Variants in SIRPA observed in about 807,000 individuals in gnomAD.
SIRPA encodes tyrosine-protein phosphatase non-receptor type substrate 1.
In SIRPA, 9 loss-of-function variants were observed where a neutral mutation model predicts 50.3. The ratio of observed to expected loss-of-function variants is 0.18; its 90% CI spans 0.11 to 0.31. SIRPA has a LOEUF of 0.31. Among genes scored for constraint, SIRPA ranks in the 10% least tolerant of loss-of-function variants. The pLI, the probability that SIRPA is intolerant of heterozygous loss-of-function variation, is 1.00. For synonymous variants in SIRPA, 265 were observed against 284.1 expected, an observed-to-expected ratio of 0.93 and a Z score of 0.68; for missense variants, 474 against 661.6, an observed-to-expected ratio of 0.72 and a Z score of 3.11.
intron 6 of SIRPA, among the ~76,000 whole-genome samples, chr20:1,929,332 G>A (rs1202995765): frequency 6.6e-6 from 1 of 152,108 alleles, no homozygotes; most frequent in Non-Finnish European, 1.5e-5. Context: ...GGTGGGATGG[G>A]CTGAGAAGTG....
At chr20:1,897,961 G>A (rs1303564758) in intron 1 of SIRPA, among the ~76,000 whole-genome samples, 3 of 152,220 alleles carry the variant, frequency 2.0e-5, no homozygotes, top group Non-Finnish European at 4.4e-5. Flanking sequence ...CTGAGGCCTG[G>A]GGACACCTGG....
At chr20:1,895,785 C>T (rs536740410) in intron 1 of SIRPA, among the ~76,000 whole-genome samples, 9 of 152,218 alleles carry the variant, frequency 5.9e-5, no homozygotes, top group Non-Finnish European at 8.8e-5. Flanking sequence ...GTGCTGGGCA[C>T]TGAGACAAAA....
intron 1 of SIRPA, among the ~76,000 whole-genome samples, chr20:1,905,490 C>T (rs2123020458): frequency 6.6e-6 from 1 of 152,338 alleles, no homozygotes; most frequent in Non-Finnish European, 1.5e-5. Context: ...GTTATCTGGC[C>T]TAACCCATGC....
At chr20:1,912,359 G>A (rs868445208) in intron 1 of SIRPA, among the ~76,000 whole-genome samples, 85 of 152,160 alleles carry the variant, frequency 5.6e-4, no homozygotes, top group African/African-American at 2.0e-3. Flanking sequence ...CCCGGGCTCC[G>A]GGCCTGCACC....
intron 5 of SIRPA, among the ~76,000 whole-genome samples, chr20:1,925,571 T>C (rs567965252): frequency 1.4e-4 from 21 of 152,338 alleles, no homozygotes; most frequent in African/African-American, 4.6e-4. Context: ...GTGTGTGTGC[T>C]GGTTGTTGGG....
rs931151557 is a variant in SIRPA at position 1,898,382 on chromosome 20, C to T, written c.79+2856C>T. 4.6e-5 allele frequency among the ~76,000 whole-genome samples: 7 copies of T among 152,168 alleles called. No homozygotes were observed. Among genetic ancestry groups the T allele is most frequent in the African/African-American group, 1.7e-4 (7 of 41,440 alleles). On this transcript the variant is annotated intron_variant, in intron 1 of 7. Transcript: ENST00000358771. This position sits in a 1 kb window ranked among gnomAD's most constrained non-coding sequence, Gnocchi z 4.3. ...CCCCTCGGAAACTCACGGTAATTCA[C>T]GTCTGTACTTGCAGTCATGCAGCAC... is the stretch of plus-strand genomic sequence containing the variant.
chr20:1,904,326 G>A (rs939721864), intron 1 of SIRPA, among the ~76,000 whole-genome samples: 5 of 152,356 alleles, frequency 3.3e-5, no homozygotes, highest in African/African-American at 1.2e-4. Flanking sequence ...ATCAGGTGCT[G>A]CAACCATGAA....
intron 1 of SIRPA, among the ~76,000 whole-genome samples, chr20:1,907,117 C>A (rs1052260320): frequency 2.0e-5 from 3 of 152,182 alleles, no homozygotes; most frequent in Non-Finnish European, 4.4e-5. Context: ...TGGATGGGGC[C>A]ACCAGAGTCT....
chr20:1,895,735 CTATGAGAGT>C (rs897721778), intron 1 of SIRPA, among the ~76,000 whole-genome samples: 18 of 152,368 alleles, frequency 1.2e-4, no homozygotes, highest in African/African-American at 3.6e-4. Context: ...CAAGTCTCTT[CTATGAGAGT>C]TTGTCTCTGT....
At chr20:1,905,086 C>A (rs1984465373) in intron 1 of SIRPA, among the ~76,000 whole-genome samples, 1 of 152,202 alleles carries the variant, frequency 6.6e-6, no homozygotes, top group Non-Finnish European at 1.5e-5. Flanking sequence ...AGTGCTTTTG[C>A]AAGCTGCAAA....
chr20:1,921,266 T>C, intron 2 of SIRPA, 129 bp from the exon 3 acceptor site: 3 of 1,515,776 alleles, frequency 2.0e-6, no homozygotes, highest in Non-Finnish European at 2.7e-6. Context: ...GACACCGCCC[T>C]CATTAATCCT....
chr20:1,938,532 G>T lies in SIRPA; in HGVS notation c.*964G>T, dbSNP rs1986724060. On this transcript the variant is annotated 3_prime_UTR_variant, in exon 8 of 8. Coordinates refer to ENST00000358771, the MANE Select transcript of SIRPA (RefSeq NM_001040023.2). ...GAAGTCTGAGGTTTAACAGTTTGTT[G>T]TCCTGGAGGGATTTTCTTACAGCGA... 6.5e-6 allele frequency: 1 copy of T among 152,696 alleles called. No individual in the cohort carries two copies. The highest frequency in any genetic ancestry group is 1.5e-5 in the Non-Finnish European group (1 of 68,052). 9.5% of individuals were successfully genotyped at this position (152,696 alleles called of 1,614,324 possible). A position where few individuals can be genotyped will look rare whatever the true frequency, so the allele number is the denominator to read the frequency against.
chr20:1,937,257 G>A lies in SIRPA; in HGVS notation c.1267-63G>A. The A allele has an allele frequency of 6.4e-7, 1 of 1,559,448 alleles. No homozygotes were observed. Among genetic ancestry groups the A allele is most frequent in the Non-Finnish European group, 8.7e-7 (1 of 1,147,622 alleles). On this transcript the variant is annotated intron_variant, in intron 7 of 7. Coordinates refer to ENST00000358771, the MANE Select transcript of SIRPA (RefSeq NM_001040023.2). The surrounding 1 kb of genome is among the most constrained non-coding windows in gnomAD (Gnocchi z 8.3). ...TCCAGACTTGGTATTCAGTTTGAGT[G>A]AGTGGGCCAGGGGCTATAGAATGAC...
At chr20:1,923,474 T>C (rs1304733865) in intron 4 of SIRPA, among the ~76,000 whole-genome samples, 3 of 152,242 alleles carry the variant, frequency 2.0e-5, no homozygotes, top group African/African-American at 7.2e-5. Flanking sequence ...TGGGGCTGTG[T>C]CAAAGTGGCC....
chr20:1,906,973 T>A (rs972253426), intron 1 of SIRPA, among the ~76,000 whole-genome samples: 7 of 152,258 alleles, frequency 4.6e-5, no homozygotes, highest in Admixed American at 4.6e-4. Context: ...GCATTTCCTG[T>A]TTACAGGTGA....
chr20:1,909,611 A>G (rs527582639), intron 1 of SIRPA, among the ~76,000 whole-genome samples: 1 of 152,074 alleles, frequency 6.6e-6, no homozygotes, highest in Non-Finnish European at 1.5e-5. Context: ...GTGAAACTCC[A>G]TCTCTACTAA....
intron 2 of SIRPA, among the ~76,000 whole-genome samples, chr20:1,916,481 A>G (rs756530804): frequency 1.2e-4 from 18 of 152,186 alleles, no homozygotes; most frequent in Non-Finnish European, 2.5e-4. Flanking sequence ...ATAGGTGCCG[A>G]CTGAAAGCTC....
chr20:1,912,923 C>T (rs969118987), intron 1 of SIRPA, among the ~76,000 whole-genome samples: 7 of 152,234 alleles, frequency 4.6e-5, no homozygotes, highest in Admixed American at 3.9e-4. Flanking sequence ...CTGATGTCCC[C>T]GCCTGGATGG....
At chr20:1,918,231 T>C (rs1985417810) in intron 2 of SIRPA, among the ~76,000 whole-genome samples, 1 of 151,934 alleles carries the variant, frequency 6.6e-6, no homozygotes, top group Non-Finnish European at 1.5e-5. Flanking sequence ...GGAGTTTCAC[T>C]CTTGTTGCCC....
Sources: gnomAD v4.1 joint callset for allele counts (sites outside exome capture counted in the v4.1 genomes callset) on GRCh38, gnomAD v4.1.1 for gene constraint, Gnocchi (gnomAD v3.1) non-coding constraint, MANE v1.5 for transcripts, NCBI Gene and HGNC (gene_info 2026-07-23, HGNC 2026-07-21) for gene names.